Variants in ZC3H12B observed in about 807,000 individuals in gnomAD.
The protein encoded by ZC3H12B is probable ribonuclease ZC3H12B.
Under a neutral mutation model 43.9 loss-of-function variants are expected in ZC3H12B, and 7 were observed. The observed-to-expected ratio is 0.16, with a 90% CI of 0.09 to 0.30. The LOEUF (loss-of-function observed/expected upper bound fraction) is 0.30, where lower values mean the gene tolerates loss of function less well. Among genes scored for constraint, ZC3H12B ranks in the 10% least tolerant of loss-of-function variants. The pLI is 1.00. For missense variants in ZC3H12B, 475 were observed against 670.2 expected (o/e 0.71, Z 3.22); for synonymous variants, 222 against 241.7 (o/e 0.92, Z 0.76).
chrX:65,356,305 C>T, the ZC3H12B span, among the ~76,000 whole-genome samples: 2 of 112,116 alleles, frequency 1.8e-5, no homozygotes, highest in African/African-American at 6.5e-5. Context: ...TAATCATGCT[C>T]ATTATAGAAC....
At chrX:65,162,055 G>A in the ZC3H12B span, among the ~76,000 whole-genome samples, 5 of 111,326 alleles carry the variant, frequency 4.5e-5, no homozygotes, top group Admixed American at 3.8e-4. Context: ...TGAAATTCTG[G>A]GTTGAAAATT....
intron 3 of ZC3H12B, among the ~76,000 whole-genome samples, chrX:65,402,466 G>A (rs1263458711): frequency 9.0e-6 from 1 of 111,567 alleles, no homozygotes; most frequent in Non-Finnish European, 1.9e-5. Context: ...GGCCTTGAGT[G>A]AATATAAGCA....
the ZC3H12B span, among the ~76,000 whole-genome samples, chrX:65,197,768 C>A: frequency 6.2e-5 from 7 of 112,411 alleles, no homozygotes; most frequent in Non-Finnish European, 9.4e-5. Context: ...GGAGACCACA[C>A]AATTCAATCA....
the ZC3H12B span, among the ~76,000 whole-genome samples, chrX:65,123,827 T>C: frequency 9.2e-6 from 1 of 108,996 alleles, no homozygotes; most frequent in African/African-American, 3.3e-5. Flanking sequence ...TACTGATTTG[T>C]GTAAATTAAT....
chrX:65,088,953 A>G, the ZC3H12B span, among the ~76,000 whole-genome samples: 1 of 111,813 alleles, frequency 8.9e-6, no homozygotes, highest in Non-Finnish European at 1.9e-5. Flanking sequence ...TCTACATCAT[A>G]GAGTTATTGA....
At chrX:65,467,596 C>T (rs1414905717) in intron 3 of ZC3H12B, among the ~76,000 whole-genome samples, 2 of 112,158 alleles carry the variant, frequency 1.8e-5, no homozygotes, top group Non-Finnish European at 3.8e-5. Context: ...CTTTCCACTG[C>T]ATCCAAGCCA....
exon 1 of ZC3H12B, chrX:65,489,407 G>A: frequency 8.5e-7 from 1 of 1,182,678 alleles, no homozygotes; most frequent in Non-Finnish European, 1.1e-6. Context: ...ATGTGGCAAT[G>A]AGGTAAGCCT....
chrX:65,169,526 G>A, the ZC3H12B span, among the ~76,000 whole-genome samples: 9 of 111,965 alleles, frequency 8.0e-5, no homozygotes, highest in African/African-American at 2.9e-4. Flanking sequence ...TTGGGGTGGA[G>A]AGTTCTGTAG....
the ZC3H12B span, among the ~76,000 whole-genome samples, chrX:65,086,451 T>A: frequency 9.0e-6 from 1 of 111,397 alleles, no homozygotes; most frequent in Non-Finnish European, 1.9e-5. Context: ...CTCCACACAG[T>A]TACCATTTTC....
the ZC3H12B span, among the ~76,000 whole-genome samples, chrX:65,093,712 A>G: frequency 1.2e-4 from 14 of 112,301 alleles, no homozygotes; most frequent in Non-Finnish European, 5.6e-5. Flanking sequence ...TTATACCCCC[A>G]TAGTATCTTT....
intron 3 of ZC3H12B, among the ~76,000 whole-genome samples, chrX:65,426,157 T>A (rs1040111140): frequency 1.3e-4 from 14 of 108,390 alleles, no homozygotes; most frequent in African/African-American, 4.3e-4. Context: ...TGGTCTGTTC[T>A]GGGATTCAGT....
At chrX:65,492,856 C>T (rs2068224151) in intron 1 of ZC3H12B, among the ~76,000 whole-genome samples, 1 of 111,825 alleles carries the variant, frequency 8.9e-6, no homozygotes, top group Non-Finnish European at 1.9e-5. Context: ...AATCCTAGCA[C>T]TTTGAGAGGC....
the ZC3H12B span, among the ~76,000 whole-genome samples, chrX:65,160,523 T>C: frequency 8.9e-6 from 1 of 111,965 alleles, no homozygotes; most frequent in Non-Finnish European, 1.9e-5. Context: ...TATCCATTTC[T>C]TCTAGATTTT....
At chrX:65,275,155 C>T in the ZC3H12B span, among the ~76,000 whole-genome samples, 14 of 112,975 alleles carry the variant, frequency 1.2e-4, no homozygotes, top group African/African-American at 2.9e-4. Context: ...AGCTAAGCAG[C>T]TGTGCAACTG....
At chrX:65,137,563 A>G in the ZC3H12B span, among the ~76,000 whole-genome samples, 2 of 112,347 alleles carry the variant, frequency 1.8e-5, no homozygotes. Flanking sequence ...TTAATTTTAT[A>G]TCACATCAGG....
chrX:65,258,519 G>T, the ZC3H12B span, among the ~76,000 whole-genome samples: 2 of 111,745 alleles, frequency 1.8e-5, no homozygotes, highest in African/African-American at 6.5e-5. Context: ...AGACAAGGAT[G>T]TGCTTTCTCA....
At chrX:65,253,763 T>C in the ZC3H12B span, among the ~76,000 whole-genome samples, 1 of 111,725 alleles carries the variant, frequency 9.0e-6, no homozygotes. Flanking sequence ...TGCCTGACCA[T>C]GAAAGAGCTC....
At chrX:65,329,463 G>A in the ZC3H12B span, among the ~76,000 whole-genome samples, 3 of 97,719 alleles carry the variant, frequency 3.1e-5, no homozygotes, top group African/African-American at 1.7e-4. Flanking sequence ...TTTGTCAGAT[G>A]AGTAGGTTGC....
chrX:65,388,551 T>C (rs2066564474), intron 2 of ZC3H12B, among the ~76,000 whole-genome samples: 1 of 111,748 alleles, frequency 8.9e-6, no homozygotes, highest in Admixed American at 9.5e-5. Flanking sequence ...TCTAATTTTT[T>C]TTTCAAAGTT....
Sources: allele counts gnomAD v4.1 joint callset (sites outside exome capture counted in the v4.1 genomes callset), GRCh38; gene constraint gnomAD v4.1.1; transcripts MANE v1.5; gene names NCBI Gene and HGNC (gene_info 2026-07-23, HGNC 2026-07-21).